Variants in SH2D1B observed in about 807,000 individuals in gnomAD.
SH2D1B encodes SH2 domain containing 1B.
SH2D1B carries 11 observed loss-of-function variants against 16.3 expected under a neutral mutation model. That is an observed-to-expected ratio of 0.67 (90% CI 0.42 to 1.11). The LOEUF (loss-of-function observed/expected upper bound fraction) is 1.11, where lower values mean the gene tolerates loss of function less well. Ranked by LOEUF, SH2D1B falls within the 50% of genes most tolerant of loss-of-function variation. SH2D1B has a pLI of 0.00. For missense variants in SH2D1B, 123 were observed against 153.1 expected (o/e 0.80, Z 1.04); for synonymous variants, 55 against 56.1 (o/e 0.98, Z 0.09).
chr1:162,408,013 C>A (rs1267996458), intron 1 of SH2D1B, among the ~76,000 whole-genome samples: 1 of 152,182 alleles, frequency 6.6e-6, no homozygotes, highest in Non-Finnish European at 1.5e-5. Context: ...TCTACAGTGC[C>A]CTAATGATAG....
At chr1:162,398,332 A>G (rs1648428151) in intron 3 of SH2D1B, among the ~76,000 whole-genome samples, 1 of 152,198 alleles carries the variant, frequency 6.6e-6, no homozygotes, top group Non-Finnish European at 1.5e-5. Flanking sequence ...CAACATTGCA[A>G]CTGATAGTAA....
In SH2D1B at chr1:162,398,957, C is replaced by T. The variant is rs142310988; in HGVS notation, c.329G>A (p.Trp110Ter). ...PIKRTSPSLR[W>*]RGLKLELETF... The stretch of plus-strand genomic sequence containing the variant: ...TTCCAACTCTAATTTCAATCCTCTC[C>T]ATCTCAAGCTGGGGCTGGTTCTCTT... The change falls in exon 3 of 4, where the codon TGG (tryptophan) becomes TAG (stop). Residue 110 changes from tryptophan to a stop codon, truncating the protein, a stop_gained. Coordinates refer to ENST00000367929, the MANE Select transcript of SH2D1B (RefSeq NM_053282.5). LOFTEE classifies it low-confidence loss of function (END_TRUNC). 2.5e-5 allele frequency: 40 copies of T among 1,613,468 alleles called. No homozygotes were observed. In the African/African-American group the frequency reaches 5.2e-4, roughly 21 times the overall value.
chr1:162,399,119 T>C, intron 2 of SH2D1B, 32 bp from the exon 3 acceptor site: 1 of 1,585,506 alleles, frequency 6.3e-7, no homozygotes. Context: ...AATCACTCAT[T>C]ATCATGCAAT....
intron 1 of SH2D1B, among the ~76,000 whole-genome samples, chr1:162,409,613 C>T (rs568429588): frequency 1.3e-5 from 2 of 152,294 alleles, no homozygotes; most frequent in East Asian, 3.9e-4. Context: ...GAGTCTTTCT[C>T]TGTCTCTCAG....
chr1:162,397,354 A>G lies in SH2D1B; in HGVS notation c.364-39T>C, dbSNP rs113904944. On this transcript the variant is annotated intron_variant, in intron 3 of 3. Coordinates refer to ENST00000367929, the MANE Select transcript of SH2D1B (RefSeq NM_053282.5). Reference sequence around the variant, plus strand: ...AAAAAAGCAGAAGACCAGCCATGAGACCACACCCAGAAGTCATATCAAACA... The same window carrying G: ...AAAAAAGCAGAAGACCAGCCATGAGGCCACACCCAGAAGTCATATCAAACA... 4 of 1,611,068 alleles carry G rather than the reference A, an allele frequency of 2.5e-6. No individual in the cohort carries two copies. In the African/African-American group the frequency reaches 4.0e-5, roughly 16 times the overall value.
chr1:162,400,457 A>ATTTTTTTTTTTTTTTT (rs34822047), intron 2 of SH2D1B, among the ~76,000 whole-genome samples: 3 of 110,840 alleles, frequency 2.7e-5, no homozygotes, highest in Non-Finnish European at 5.3e-5. Flanking sequence ...TACCTGGCTA[A>ATTTTTTTTTTTTTTTT]TTTTTTTTTT....
chr1:162,409,902 G>T (rs562925895), intron 1 of SH2D1B, among the ~76,000 whole-genome samples: 44 of 152,170 alleles, frequency 2.9e-4, no homozygotes, highest in African/African-American at 9.4e-4. Context: ...AAATGGTACT[G>T]TTGGATGTAG....
At chr1:162,401,792 T>C (rs1648523310) in intron 2 of SH2D1B, among the ~76,000 whole-genome samples, 1 of 152,188 alleles carries the variant, frequency 6.6e-6, no homozygotes, top group Non-Finnish European at 1.5e-5. Context: ...CTTTCAGATA[T>C]TCAGAGTAAA....
intron 1 of SH2D1B, among the ~76,000 whole-genome samples, chr1:162,406,082 A>G (rs916027103): frequency 6.6e-6 from 1 of 152,252 alleles, no homozygotes; most frequent in South Asian, 2.1e-4. Flanking sequence ...ATCCAAGTCA[A>G]CAAAGAAATA....
Position 162,412,044 on chromosome 1 carries a change from C to T in SH2D1B, c.-28G>A, listed in dbSNP as rs1174293338. 4 of 1,612,692 alleles carry T rather than the reference C, an allele frequency of 2.5e-6. No individual in the cohort carries two copies. Among genetic ancestry groups the T allele is most frequent in the Non-Finnish European group, 3.4e-6 (4 of 1,178,956 alleles). ...AGAACGCTCTTGTATCCCAGGAAGC[C>T]CTGTTGGCCTGAAATTCACCCCCAA... On this transcript the variant is annotated 5_prime_UTR_variant, in exon 1 of 4. Transcript: ENST00000367929.
At chr1:162,397,423 A>G (rs1332298227) in intron 3 of SH2D1B, 108 bp from the exon 4 acceptor site, 1 of 1,148,862 alleles carries the variant, frequency 8.7e-7, no homozygotes, top group Non-Finnish European at 1.3e-6. Context: ...GCACAGAGCC[A>G]TGTTGATGCC....
Position 162,402,791 on chromosome 1 carries a change from A to G in SH2D1B, c.146T>C (p.Ile49Thr). Reference protein sequence around the residue: ...VLCLCVSFKNIVYTYRIFREK... With the variant: ...VLCLCVSFKNTVYTYRIFREK... ...TCTGAAGATTCGGTATGTGTAGACA[A>G]TATTTTTAAACCTGTGGAAAAAATG... The change falls in exon 2 of 4, where the codon ATT (isoleucine) becomes ACT (threonine). Residue 49 changes from isoleucine (I) to threonine (T), a missense_variant. Ile to Thr is a moderately conservative substitution (Grantham distance 89). Transcript: ENST00000367929. 2 of 1,613,728 alleles carry G rather than the reference A, an allele frequency of 1.2e-6. No individual in the cohort carries two copies. Among genetic ancestry groups the G allele is most frequent in the Non-Finnish European group, 8.5e-7 (1 of 1,179,620 alleles).
chr1:162,410,640 ATTTG>A (rs1648770509), intron 1 of SH2D1B, among the ~76,000 whole-genome samples: 1 of 148,980 alleles, frequency 6.7e-6, no homozygotes, highest in South Asian at 2.1e-4. Flanking sequence ...GTGGCCTGGA[ATTTG>A]TTTTTCTTTT....
chr1:162,404,232 C>T (rs1046357035), intron 1 of SH2D1B, among the ~76,000 whole-genome samples: 8 of 151,868 alleles, frequency 5.3e-5, no homozygotes, highest in Non-Finnish European at 1.0e-4. Context: ...AGTACTCAGG[C>T]GGCTGAGACA....
rs1321792527 is a variant in SH2D1B, at chr1:162,395,323, C to G, written c.*1957G>C. 6.6e-6 allele frequency: 1 copy of G among 151,668 alleles called. No individual in the cohort carries two copies. The highest frequency in any genetic ancestry group is 6.6e-5 in the Admixed American group (1 of 15,232). The allele number at this position is 151,668 out of a possible 1,614,324, so 9.4% of individuals were successfully genotyped here. ...ACTTACCTTTATAATGGAGTGAAGA[C>G]AAAAGGAATGTGACTATCTCAATAG... On this transcript the variant is annotated 3_prime_UTR_variant, in exon 4 of 4. Coordinates refer to ENST00000367929, the MANE Select transcript of SH2D1B (RefSeq NM_053282.5).
intron 1 of SH2D1B, among the ~76,000 whole-genome samples, chr1:162,406,793 C>T (rs973167316): frequency 6.6e-6 from 1 of 152,186 alleles, no homozygotes; most frequent in Non-Finnish European, 1.5e-5. Flanking sequence ...GGGCTCAGGT[C>T]TTCCTCACCT....
In SH2D1B at chr1:162,397,105, G is replaced by A. The variant is rs879431843; in HGVS notation, c.*175C>T. ...TGCTCCTGGTATATGTCTGGGAGGC[G>A]GGGATGTGGAGAGTGACCTCTGGTG... On this transcript the variant is annotated 3_prime_UTR_variant, in exon 4 of 4. Coordinates refer to ENST00000367929, the MANE Select transcript of SH2D1B (RefSeq NM_053282.5). The A allele has an allele frequency of 1.9e-5, 12 of 620,178 alleles. No homozygotes were observed. The highest frequency in any genetic ancestry group is 9.3e-5 in the African/African-American group (5 of 54,054). The allele number at this position is 620,178 out of a possible 1,614,324, so 38.4% of individuals were successfully genotyped here.
chr1:162,410,701 G>A (rs2101865398), intron 1 of SH2D1B, among the ~76,000 whole-genome samples: 1 of 147,336 alleles, frequency 6.8e-6, no homozygotes. Flanking sequence ...TTGTTGCCCA[G>A]GCTGGAGTGC....
intron 1 of SH2D1B, among the ~76,000 whole-genome samples, chr1:162,407,390 G>A (rs1648676724): frequency 6.6e-6 from 1 of 152,152 alleles, no homozygotes; most frequent in Non-Finnish European, 1.5e-5. Flanking sequence ...GTGATTACCT[G>A]AAACATATTT....
Sources: gnomAD v4.1 joint callset for allele counts (sites outside exome capture counted in the v4.1 genomes callset) on GRCh38, gnomAD v4.1.1 for gene constraint, MANE v1.5 for transcripts, NCBI Gene and HGNC (gene_info 2026-07-23, HGNC 2026-07-21) for gene names.